PRKN: variants seen among roughly 807,000 people sequenced by gnomAD.
The protein encoded by PRKN is E3 ubiquitin-protein ligase parkin.
A neutral mutation model predicts 59.5 loss-of-function variants in PRKN; 56 were observed. That is an observed-to-expected ratio of 0.94 (90% CI 0.76 to 1.18). PRKN has a LOEUF of 1.18. Among genes scored for constraint, PRKN ranks in the 50% most tolerant of loss-of-function variants. The probability of loss-of-function intolerance (pLI) is 0.00; values close to 1 mark genes in which losing one functional copy is unlikely to be tolerated. For synonymous variants in PRKN, 250 were observed against 222.1 expected, an observed-to-expected ratio of 1.13 and a Z score of -1.12; for missense variants, 657 against 596.4, an observed-to-expected ratio of 1.10 and a Z score of -1.06.
intron 6 of PRKN, among the ~76,000 whole-genome samples, chr6:161,885,041 C>T (rs7775448): frequency 0.52 from 77,754 of 150,604 alleles, 21,112 homozygotes; most frequent in African/African-American, 0.7. Flanking sequence ...TATTCATGAA[C>T]GTAGTTCTAG....
At chr6:162,216,400 G>A (rs1335639152) in intron 3 of PRKN, among the ~76,000 whole-genome samples, 1 of 151,098 alleles carries the variant, frequency 6.6e-6, no homozygotes, top group Non-Finnish European at 1.5e-5. Flanking sequence ...CGCGGTGGCG[G>A]GCGCCTGTAG....
At chr6:162,268,701 C>T (rs1048317931) in intron 2 of PRKN, among the ~76,000 whole-genome samples, 30 of 152,080 alleles carry the variant, frequency 2.0e-4, no homozygotes, top group African/African-American at 6.5e-4. Context: ...ACCCAGCTCC[C>T]GAGTGTGAAG....
intron 6 of PRKN, among the ~76,000 whole-genome samples, chr6:161,869,154 G>A (rs1794240456): frequency 6.6e-6 from 1 of 152,278 alleles, no homozygotes; most frequent in South Asian, 2.1e-4. Context: ...CGAGGCGGGT[G>A]GATCACCTGA....
intron 2 of PRKN, among the ~76,000 whole-genome samples, chr6:162,311,736 T>C (rs1337246183): frequency 1.3e-5 from 2 of 152,086 alleles, no homozygotes; most frequent in African/African-American, 4.8e-5. Context: ...GACTGCTCAG[T>C]GCTTAGGGTG....
intron 6 of PRKN, among the ~76,000 whole-genome samples, chr6:161,931,256 C>T (rs1489399796): frequency 1.3e-5 from 2 of 151,916 alleles, no homozygotes; most frequent in Non-Finnish European, 2.9e-5. Flanking sequence ...GTCAACATGG[C>T]GAAACCCTGT....
intron 6 of PRKN, among the ~76,000 whole-genome samples, chr6:161,957,581 C>G (rs1438208692): frequency 6.6e-6 from 1 of 151,944 alleles, no homozygotes; most frequent in African/African-American, 2.4e-5. Context: ...TGCGCCACCA[C>G]GCTCAGCTAA....
intron 2 of PRKN, among the ~76,000 whole-genome samples, chr6:162,384,302 C>T (rs912029655): frequency 2.6e-5 from 4 of 152,110 alleles, no homozygotes; most frequent in African/African-American, 4.8e-5. Flanking sequence ...CACTTGAATG[C>T]TCAGAGGCCA....
At chr6:162,408,507 A>T in intron 2 of PRKN, among the ~76,000 whole-genome samples, 1 of 152,202 alleles carries the variant, frequency 6.6e-6, no homozygotes, top group East Asian at 1.9e-4. Flanking sequence ...AAAGCAGAAT[A>T]GGTTGTTTTC....
intron 6 of PRKN, among the ~76,000 whole-genome samples, chr6:161,959,485 CA>C (rs1167249809): frequency 6.6e-6 from 1 of 152,240 alleles, no homozygotes; most frequent in Non-Finnish European, 1.5e-5. Context: ...ATTTCCAAAG[CA>C]ATCCTTTTAG....
intron 5 of PRKN, among the ~76,000 whole-genome samples, chr6:161,985,978 C>T (rs80122418): frequency 2.0e-5 from 3 of 152,132 alleles, no homozygotes; most frequent in African/African-American, 7.2e-5. Flanking sequence ...GGAGGCCTTC[C>T]TTGATCCTGT....
chr6:161,714,935 C>T (rs990335548), intron 7 of PRKN, among the ~76,000 whole-genome samples: 2 of 152,152 alleles, frequency 1.3e-5, no homozygotes, highest in East Asian at 1.9e-4. Context: ...TTCCAGATGC[C>T]TGCACATCTT....
chr6:161,600,291 C>G (rs1782061014), intron 7 of PRKN, among the ~76,000 whole-genome samples: 1 of 152,070 alleles, frequency 6.6e-6, no homozygotes, highest in Non-Finnish European at 1.5e-5. Flanking sequence ...ATCCCATCAC[C>G]CTCTCTGAAC....
At chr6:161,812,773 A>C (rs1458992747) in intron 6 of PRKN, among the ~76,000 whole-genome samples, 1 of 152,216 alleles carries the variant, frequency 6.6e-6, no homozygotes, top group Non-Finnish European at 1.5e-5. Context: ...AAAGCCCTTA[A>C]ATATTATTGT....
intron 9 of PRKN, among the ~76,000 whole-genome samples, chr6:161,411,103 T>G (rs1787519503): frequency 6.6e-6 from 1 of 152,158 alleles, no homozygotes; most frequent in Non-Finnish European, 1.5e-5. Context: ...CTAGTTTCAC[T>G]GTGAGGCAGG....
At chr6:162,712,484 C>A (rs372627492) in intron 1 of PRKN, among the ~76,000 whole-genome samples, 2 of 152,194 alleles carry the variant, frequency 1.3e-5, no homozygotes, top group South Asian at 4.1e-4. Context: ...TATCACATCA[C>A]CCCGTGAGAT....
intron 1 of PRKN, among the ~76,000 whole-genome samples, chr6:162,477,856 C>T (rs923258244): frequency 6.6e-6 from 1 of 152,184 alleles, no homozygotes; most frequent in Non-Finnish European, 1.5e-5. Context: ...AAATTATACC[C>T]GTCTTACAAA....
chr6:161,348,499 G>A lies in PRKN; in HGVS notation c.*1600C>T, dbSNP rs889401575. The A allele has an allele frequency of 2.4e-5, 5 of 211,578 alleles. No individual in the cohort carries two copies. Among genetic ancestry groups the A allele is most frequent in the Non-Finnish European group, 3.8e-5 (4 of 104,560 alleles). 13.1% of individuals were successfully genotyped at this position (211,578 alleles called of 1,614,324 possible). A position where few individuals can be genotyped will look rare whatever the true frequency, so the allele number is the denominator to read the frequency against. Reference sequence around the variant, plus strand: ...CTGCTGCAGAGCCCAGTCTCTCCCCGGTGCAGGGCCTCTGAGACGACGGGA... The same window carrying A: ...CTGCTGCAGAGCCCAGTCTCTCCCCAGTGCAGGGCCTCTGAGACGACGGGA... On this transcript the variant is annotated 3_prime_UTR_variant, in exon 12 of 12. Transcript: ENST00000366898. The surrounding 1 kb of genome is among the most constrained non-coding windows in gnomAD (Gnocchi z 4.9).
At chr6:161,961,153 C>T (rs981529605) in intron 6 of PRKN, among the ~76,000 whole-genome samples, 3 of 152,220 alleles carry the variant, frequency 2.0e-5, no homozygotes, top group East Asian at 1.9e-4. Context: ...CTGGACTGAG[C>T]GCACAAGAAA....
In PRKN at chr6:162,643,587, G is replaced by T. The variant is rs528747351; in HGVS notation, c.7+84075C>A. ...TAATGGACTCTTGCTGTGGGAAAGGGTGAGCTGTCCTGAAGACCTCTATCC... is the reference window on the plus strand; with the variant it reads ...TAATGGACTCTTGCTGTGGGAAAGGTTGAGCTGTCCTGAAGACCTCTATCC... On this transcript the variant is annotated intron_variant, in intron 1 of 11. Coordinates refer to ENST00000366898, the MANE Select transcript of PRKN (RefSeq NM_004562.3). Among the ~76,000 whole-genome samples, 7 of 152,134 alleles carry T rather than the reference G, an allele frequency of 4.6e-5. No homozygotes were observed. The South Asian group carries it at 1.5e-3, about 32-fold the overall frequency.
Sources: allele counts gnomAD v4.1 joint callset (sites outside exome capture counted in the v4.1 genomes callset), GRCh38; gene constraint gnomAD v4.1.1; non-coding constraint Gnocchi (gnomAD v3.1); transcripts MANE v1.5; gene names NCBI Gene and HGNC (gene_info 2026-07-23, HGNC 2026-07-21).